The following ZNF91 variants were observed in gnomAD, a reference collection of about 807,000 sequenced individuals.
ZNF91 encodes the protein zinc finger protein 91.
Under a neutral mutation model 12.6 loss-of-function variants are expected in ZNF91, and 7 were observed. The ratio of observed to expected loss-of-function variants is 0.55; its 90% CI spans 0.31 to 1.04. The LOEUF is 1.04. Ranked by LOEUF, ZNF91 falls within the 50% of genes least tolerant of loss-of-function variation. ZNF91 has a pLI of 0.05. For synonymous variants in ZNF91, 453 were observed against 462.6 expected (o/e 0.98, Z 0.27); for missense variants, 1,217 against 1,385.4 (o/e 0.88, Z 1.93).
At chr19:23,350,001 T>C (rs1968324753) in intron 3 of ZNF91, among the ~76,000 whole-genome samples, 1 of 152,162 alleles carries the variant, frequency 6.6e-6, no homozygotes, top group African/African-American at 2.4e-5. Flanking sequence ...CTAAATATAA[T>C]AATTAGACTA....
intron 3 of ZNF91, among the ~76,000 whole-genome samples, chr19:23,306,059 T>C (rs1266277042): frequency 1.3e-5 from 2 of 152,248 alleles, no homozygotes; most frequent in African/African-American, 4.8e-5. Flanking sequence ...AATACTCATA[T>C]AATCTTGTAT....
At chr19:23,314,126 T>C (rs1281832499), upstream of ZNF91, among the ~76,000 whole-genome samples, 1 of 152,202 alleles carries the variant, frequency 6.6e-6, no homozygotes, top group Non-Finnish European at 1.5e-5. Context: ...TTTATTCTTT[T>C]GTCTTGGCAT....
At chr19:23,379,955 C>T (rs1969639552) in intron 1 of ZNF91, among the ~76,000 whole-genome samples, 1 of 151,986 alleles carries the variant, frequency 6.6e-6, no homozygotes, top group Admixed American at 6.6e-5. Context: ...ACTTTAGTGT[C>T]ACATCAAAGA....
At chr19:23,322,792 TC>T (rs1967731357) in intron 1 of ZNF91, among the ~76,000 whole-genome samples, 1 of 85,306 alleles carries the variant, frequency 1.2e-5, no homozygotes, top group Non-Finnish European at 2.5e-5. Flanking sequence ...CTTCCTCACC[TC>T]CTCCTCCATT....
At chr19:23,326,207 A>T (rs2145864724) in intron 1 of ZNF91, 1 of 152,166 alleles carries the variant, frequency 6.6e-6, no homozygotes, top group Non-Finnish European at 1.5e-5. Flanking sequence ...CCCATCTATC[A>T]AGTCTGTCTG....
chr19:23,390,672 T>C (rs1443050408), intron 1 of ZNF91, among the ~76,000 whole-genome samples: 1 of 152,160 alleles, frequency 6.6e-6, no homozygotes, highest in African/African-American at 2.4e-5. Flanking sequence ...AATACTCTTG[T>C]TCCTCAGCTG....
intron 1 of ZNF91, among the ~76,000 whole-genome samples, chr19:23,320,849 G>T (rs1253439631): frequency 6.6e-6 from 1 of 152,190 alleles, no homozygotes; most frequent in Non-Finnish European, 1.5e-5. Flanking sequence ...CACTGTTGAG[G>T]ATTTGAATCT....
intron 1 of ZNF91, among the ~76,000 whole-genome samples, chr19:23,319,179 T>C (rs1210056876): frequency 6.6e-6 from 1 of 152,218 alleles, no homozygotes; most frequent in African/African-American, 2.4e-5. Context: ...CTTCTTGGGC[T>C]CTGACCAAGG....
At chr19:23,343,436 G>A (rs1380884608) in intron 3 of ZNF91, among the ~76,000 whole-genome samples, 2 of 152,184 alleles carry the variant, frequency 1.3e-5, no homozygotes, top group Non-Finnish European at 2.9e-5. Context: ...AGTGAACAAA[G>A]ATGACAGCCT....
At position 23,374,630 on chromosome 19, in the gene ZNF91, T is replaced by C. The variant is rs758479456; in HGVS notation, c.157+8A>G. The C allele has an allele frequency of 6.2e-7, 1 of 1,607,972 alleles. No homozygotes were observed. The highest frequency in any genetic ancestry group is 1.1e-5 in the South Asian group (1 of 90,302). On this transcript the variant is annotated splice_region_variant and intron_variant, in intron 2 of 3. Coordinates refer to ENST00000300619, the MANE Select transcript of ZNF91 (RefSeq NM_003430.4). ...ATATTAGAAACTTAGTATTAAAGTT[T>C]TCCTTACCCAGGAAGGCCAGGTTTC... is the stretch of plus-strand genomic sequence containing the variant.
In ZNF91 at chr19:23,348,253, C is replaced by A. The variant is rs151317242; in HGVS notation, c.254-9199G>T. On this transcript the variant is annotated intron_variant, in intron 3 of 3. Coordinates refer to the ZNF91 transcript ENST00000599743. ...ACCAAAGGCACACTCTTTTTATAGT[C>A]CCTTTGAAATCATGTATGGCTGAAT... Among the ~76,000 whole-genome samples, 233 of 152,292 alleles carry A rather than the reference C, an allele frequency of 1.5e-3. 1 individual carries two copies. Among genetic ancestry groups the A allele is most frequent in the African/African-American group, 5.3e-3 (221 of 41,566 alleles).
rs1218534406 is a variant in ZNF91 at position 23,339,341 on chromosome 19, T to C, written c.254-287A>G. ...AAAAGATATAACAATTCTAAATATA[T>C]ATGAACCCAACATCACAGCACCCTG... is the stretch of plus-strand genomic sequence containing the variant. On this transcript the variant is annotated intron_variant, in intron 3 of 3. Coordinates refer to the ZNF91 transcript ENST00000599743. The C allele has an allele frequency of 1.1e-4, 16 of 152,076 alleles. 1 individual carries two copies. Among genetic ancestry groups the C allele is most frequent in the Admixed American group, 1.0e-3 (16 of 15,260 alleles). 9.4% of individuals were successfully genotyped at this position (152,076 alleles called of 1,614,324 possible). A position where few individuals can be genotyped will look rare whatever the true frequency, so the allele number is the denominator to read the frequency against.
rs771891799 is a variant in ZNF91, at chr19:23,361,561, C to G, written c.1418G>C (p.Trp473Ser). The stretch of plus-strand genomic sequence containing the variant: ...CTTATGTCTAGTTAGGGTTGAAGAC[C>G]ATATAAATGCTTTGCCACATTCTTT... ...KCKECGKAFI[W>S]SSTLTRHKRI... Residue 473 changes from tryptophan (W) to serine (S), a missense_variant, in exon 4 of 4, where the codon TGG (tryptophan) becomes TCG (serine). Physicochemically the swap from Trp to Ser is radical, Grantham distance 177. Transcript: ENST00000300619. 4.3e-6 allele frequency: 7 copies of G among 1,611,486 alleles called. No homozygotes were observed. Among genetic ancestry groups the G allele is most frequent in the Non-Finnish European group, 5.9e-6 (7 of 1,179,316 alleles).
At chr19:23,376,375 T>C (rs2145104203) in intron 1 of ZNF91, among the ~76,000 whole-genome samples, 1 of 146,876 alleles carries the variant, frequency 6.8e-6, no homozygotes, top group South Asian at 2.1e-4. Flanking sequence ...TTGACTATCA[T>C]AAGCTTTTTT....
At chr19:23,344,244 G>A (rs535112494) in intron 3 of ZNF91, among the ~76,000 whole-genome samples, 21 of 152,122 alleles carry the variant, frequency 1.4e-4, no homozygotes, top group African/African-American at 5.1e-4. Context: ...ACTGGCGCCC[G>A]TCACCATGCC....
intron 1 of ZNF91, chr19:23,384,792 C>G (rs1374687160): frequency 1.5e-6 from 1 of 657,708 alleles, no homozygotes; most frequent in Admixed American, 2.2e-5. Flanking sequence ...TCCGGGCCAA[C>G]AGCACCTCAG....
intron 1 of ZNF91, among the ~76,000 whole-genome samples, chr19:23,386,335 AAG>A (rs373265822): frequency 7.7e-4 from 117 of 152,330 alleles, no homozygotes; most frequent in African/African-American, 2.7e-3. Flanking sequence ...AAAACCAAAA[AAG>A]AGTCTGAATA....
At chr19:23,338,785 G>A (rs39813) in exon 4 of ZNF91, 19,488 of 152,076 alleles carry the variant, frequency 0.13, 2,024 homozygotes, top group East Asian at 0.43. Flanking sequence ...TGGGTGCGGT[G>A]GCTCACGCCT....
At chr19:23,351,528 T>C (rs1968366635) in intron 3 of ZNF91, among the ~76,000 whole-genome samples, 1 of 152,134 alleles carries the variant, frequency 6.6e-6, no homozygotes, top group African/African-American at 2.4e-5. Context: ...AAAATAATCT[T>C]GTTAGGCAAA....
Sources: gnomAD v4.1 joint callset for allele counts (sites outside exome capture counted in the v4.1 genomes callset) on GRCh38, gnomAD v4.1.1 for gene constraint, MANE v1.5 for transcripts, NCBI Gene and HGNC (gene_info 2026-07-23, HGNC 2026-07-21) for gene names.